SPG11: variants seen among roughly 807,000 people sequenced by gnomAD.
SPG11 encodes the protein spatacsin.
In SPG11, 222 loss-of-function variants were observed where a neutral mutation model predicts 274.0. The observed-to-expected ratio is 0.81, with a 90% confidence interval of 0.73 to 0.91. The LOEUF (loss-of-function observed/expected upper bound fraction) is 0.91, where lower values mean the gene tolerates loss of function less well. Among genes scored for constraint, SPG11 ranks in the 40% least tolerant of loss-of-function variants. The probability of loss-of-function intolerance (pLI) is 0.00; values close to 1 mark genes in which losing one functional copy is unlikely to be tolerated. For missense variants in SPG11, 3,114 were observed against 2,872.7 expected (o/e 1.08, Z -1.92); for synonymous variants, 1,144 against 1,039.7 (o/e 1.10, Z -1.93).
intron 20 of SPG11, chr15:44,604,184 T>A (rs1294289133): frequency 9.2e-6 from 4 of 433,362 alleles, no homozygotes; most frequent in Non-Finnish European, 1.8e-5. Context: ...ACTTTTCACA[T>A]TGTGACCTGA....
At chr15:44,639,674 C>T (rs949695132) in intron 7 of SPG11, among the ~76,000 whole-genome samples, 11 of 151,708 alleles carry the variant, frequency 7.3e-5, no homozygotes, top group Non-Finnish European at 1.5e-4. Flanking sequence ...TGCACTCCAT[C>T]CTAGGTGACA....
Position 44,651,784 on chromosome 15 carries a change from G to A in SPG11, c.1163C>T (p.Pro388Leu), listed in dbSNP as rs748728445. Residue 388 changes from proline to leucine, a missense_variant, in exon 6 of 40, where the codon CCA (proline) becomes CTA (leucine). Coordinates refer to ENST00000261866, the MANE Select transcript of SPG11 (RefSeq NM_025137.4). The part of the protein sequence containing the change: ...STSVQSWAFI[P>L]QDIMHGQYNV... ...ATATTGCCCATGCATTATGTCCTGT[G>A]GAATGAAGGCCCAGCTCTGCACACT... The A allele has an allele frequency of 6.2e-7, 1 of 1,614,148 alleles. No homozygotes were observed. Among genetic ancestry groups the A allele is most frequent in the Non-Finnish European group, 8.5e-7 (1 of 1,180,034 alleles).
At chr15:44,657,478 A>G (rs919808422) in intron 3 of SPG11, among the ~76,000 whole-genome samples, 182 bp from the exon 4 acceptor site, 1 of 152,162 alleles carries the variant, frequency 6.6e-6, no homozygotes, top group African/African-American at 2.4e-5. Context: ...ATGCCACAAT[A>G]AAGAACCTGA....
intron 28 of SPG11, 118 bp from the exon 29 acceptor site, chr15:44,585,968 GA>G (rs1291509330): frequency 9.6e-6 from 6 of 627,086 alleles, no homozygotes; most frequent in Non-Finnish European, 1.6e-5. Context: ...GTGGTTAAAG[GA>G]AAAATAAAAA....
At chr15:44,604,953 A>AG (rs2083283783) in intron 20 of SPG11, among the ~76,000 whole-genome samples, 1 of 151,424 alleles carries the variant, frequency 6.6e-6, no homozygotes, top group African/African-American at 2.4e-5. Context: ...AAAAAAAAAA[A>AG]AAAAAAAGTA....
Position 44,633,635 on chromosome 15 carries a change from G to C in SPG11, c.1605C>G (p.Ala535=). Residue 535 remains alanine (A), a splice_region_variant and synonymous_variant, in exon 8 of 40, where the codon GCC becomes GCG. Coordinates refer to ENST00000261866, the MANE Select transcript of SPG11 (RefSeq NM_025137.4). ...RCSIPIHALE[A]GIENRQLDTV... ...TGTCCAGCTGACGATTTTCTATCCC[G>C]GCCTGAAATGAGGAGGAAAATAAAA... The C allele has an allele frequency of 6.2e-7, 1 of 1,612,906 alleles. No individual in the cohort carries two copies. Among genetic ancestry groups the C allele is most frequent in the Non-Finnish European group, 8.5e-7 (1 of 1,179,616 alleles).
Position 44,656,416 on chromosome 15 carries a change from G to T in SPG11, c.869+679C>A, listed in dbSNP as rs549079842. ...GAGCAAGAGTTTAGAGTACATGCAAGAAAGTAACTGTATGATGGATCACAG... is the reference window on the plus strand; with the variant it reads ...GAGCAAGAGTTTAGAGTACATGCAATAAAGTAACTGTATGATGGATCACAG... On this transcript the variant is annotated intron_variant, in intron 4 of 39. Transcript: ENST00000261866. Among the ~76,000 whole-genome samples the T allele has an allele frequency of 2.4e-4, 36 of 152,344 alleles. No homozygotes were observed. In the East Asian group the frequency reaches 4.8e-3, roughly 20 times the overall value.
At chr15:44,632,362 G>T (rs1044216713) in intron 8 of SPG11, among the ~76,000 whole-genome samples, 4 of 152,002 alleles carry the variant, frequency 2.6e-5, no homozygotes, top group African/African-American at 9.7e-5. Context: ...TTTAACAAGG[G>T]GAAAATATAC....
chr15:44,652,000 C>T (rs2084795823), intron 5 of SPG11, 61 bp from the exon 6 acceptor site: 9 of 1,572,106 alleles, frequency 5.7e-6, no homozygotes, highest in Non-Finnish European at 7.8e-6. Context: ...ATGTAAAACA[C>T]TAAACCAGGG....
intron 11 of SPG11, among the ~76,000 whole-genome samples, chr15:44,625,966 C>T (rs2083887162): frequency 6.6e-6 from 1 of 152,238 alleles, no homozygotes; most frequent in Non-Finnish European, 1.5e-5. Context: ...AGGCGTGAGC[C>T]ACCACGCCCG....
At chr15:44,652,637 C>G (rs184368008) in intron 4 of SPG11, among the ~76,000 whole-genome samples, 96 of 151,736 alleles carry the variant, frequency 6.3e-4, no homozygotes, top group African/African-American at 2.1e-3. Flanking sequence ...ACTAATGTGA[C>G]TATCAAGTCT....
chr15:44,628,635 G>C (rs1412747147), intron 10 of SPG11, 34 bp downstream of exon 10: 1 of 1,571,040 alleles, frequency 6.4e-7, no homozygotes, highest in Admixed American at 1.7e-5. Context: ...TCTGAATCTG[G>C]CAAATAAAAG....
intron 35 of SPG11, 42 bp downstream of exon 35, chr15:44,569,353 TATC>T (rs1158181117): frequency 7.5e-7 from 1 of 1,340,374 alleles, no homozygotes; most frequent in East Asian, 2.4e-5. Flanking sequence ...GCTCCTGAAT[TATC>T]AGCAGTACAC....
At chr15:44,597,016 A>T in intron 23 of SPG11, 73 bp from the exon 24 acceptor site, 1 of 1,441,978 alleles carries the variant, frequency 6.9e-7, no homozygotes, top group East Asian at 2.4e-5. Context: ...TTTAGCTTGA[A>T]CTGGAAAATG....
At chr15:44,583,457 T>G (rs1176423647) in intron 30 of SPG11, among the ~76,000 whole-genome samples, 1 of 151,162 alleles carries the variant, frequency 6.6e-6, no homozygotes, top group Admixed American at 6.6e-5. Flanking sequence ...AAACACCATC[T>G]CAAAAAACAA....
chr15:44,587,973 G>A (rs947079160), intron 28 of SPG11, among the ~76,000 whole-genome samples: 3 of 152,104 alleles, frequency 2.0e-5, no homozygotes, highest in African/African-American at 7.2e-5. Flanking sequence ...TAACTGGTAA[G>A]TGCCATCTTA....
chr15:44,644,372 AT>A (rs1261682874), intron 7 of SPG11, among the ~76,000 whole-genome samples: 2 of 152,110 alleles, frequency 1.3e-5, no homozygotes, highest in Non-Finnish European at 2.9e-5. Context: ...TCCCTTCAAC[AT>A]CCCTTCATGT....
intron 33 of SPG11, among the ~76,000 whole-genome samples, chr15:44,571,717 T>A (rs1470103588): frequency 6.6e-6 from 1 of 152,048 alleles, no homozygotes; most frequent in East Asian, 1.9e-4. Flanking sequence ...CAGGATGATC[T>A]CGATCTCCTG....
At chr15:44,602,189 C>T (rs2140986188) in intron 20 of SPG11, among the ~76,000 whole-genome samples, 1 of 152,210 alleles carries the variant, frequency 6.6e-6, no homozygotes, top group African/African-American at 2.4e-5. Flanking sequence ...TTCTTTCTTT[C>T]TGATTTGGAT....
Sources: allele counts gnomAD v4.1 joint callset (sites outside exome capture counted in the v4.1 genomes callset), GRCh38; gene constraint gnomAD v4.1.1; transcripts MANE v1.5; gene names NCBI Gene and HGNC (gene_info 2026-07-23, HGNC 2026-07-21).